Variants in HOXA3 observed in about 807,000 individuals in gnomAD.
HOXA3 encodes the protein homeobox protein Hox-A3.
A neutral mutation model predicts 30.3 loss-of-function variants in HOXA3; 8 were observed. The observed-to-expected ratio is 0.26, with a 90% CI of 0.15 to 0.48. The LOEUF is 0.48. Ranked by LOEUF, HOXA3 falls within the 20% of genes least tolerant of loss-of-function variation. The pLI, the probability that HOXA3 is intolerant of heterozygous loss-of-function variation, is 0.99. For missense variants in HOXA3, 653 were observed against 614.4 expected (o/e 1.06, Z -0.66); for synonymous variants, 323 against 273.1 (o/e 1.18, Z -1.80).
chr7:27,111,483 TGC>T (rs1554336186), intron 4 of HOXA3, among the ~76,000 whole-genome samples: 1 of 80,774 alleles, frequency 1.2e-5, no homozygotes, highest in Admixed American at 1.3e-4. Context: ...TGGAACACAT[TGC>T]GTGTGTGTGT....
intron 4 of HOXA3, among the ~76,000 whole-genome samples, chr7:27,111,931 C>T (rs747013419): frequency 6.6e-6 from 1 of 152,166 alleles, no homozygotes; most frequent in Non-Finnish European, 1.5e-5. Flanking sequence ...AAAATCCTGC[C>T]AGAGTTTCCT....
chr7:27,143,833 A>C (rs1362853571), intron 1 of HOXA3, among the ~76,000 whole-genome samples: 1 of 151,854 alleles, frequency 6.6e-6, no homozygotes, highest in Non-Finnish European at 1.5e-5. Flanking sequence ...CTAATAGGGG[A>C]GTTGGGTGGA....
At chr7:27,126,666 C>A (rs944081616) in intron 3 of HOXA3, among the ~76,000 whole-genome samples, 1 of 152,134 alleles carries the variant, frequency 6.6e-6, no homozygotes, top group Non-Finnish European at 1.5e-5. Flanking sequence ...GTAAAACTCA[C>A]CAATACCTTA....
At chr7:27,133,114 G>A (rs1395173874) in intron 2 of HOXA3, among the ~76,000 whole-genome samples, 4 of 152,018 alleles carry the variant, frequency 2.6e-5, no homozygotes, top group Admixed American at 2.0e-4. Context: ...ACTTGTCTTT[G>A]TGGTTCGTAT....
Position 27,107,881 on chromosome 7 carries a change from G to A in HOXA3, c.*34C>T. On this transcript the variant is annotated 3_prime_UTR_variant, in exon 6 of 6. Coordinates refer to ENST00000612286, the MANE Select transcript of HOXA3 (RefSeq NM_153631.3). ...ACCAAAGAAAAAAGGTGGGTGGGGG[G>A]AGACTCTCCTGGCGCGTAGCCCCAA... 6 of 1,344,146 alleles carry A rather than the reference G, an allele frequency of 4.5e-6. No homozygotes were observed. Among genetic ancestry groups the A allele is most frequent in the Non-Finnish European group, 5.9e-6 (6 of 1,014,890 alleles). 83.3% of individuals were successfully genotyped at this position (1,344,146 alleles called of 1,614,324 possible). A position where few individuals can be genotyped will look rare whatever the true frequency, so the allele number is the denominator to read the frequency against.
chr7:27,110,678 G>A lies in HOXA3; in HGVS notation c.-38C>T. ...CGATCTTGATCGCACACTCTGACAG[G>A]GGTTTGACACCCGTGAGGGCGCACA... On this transcript the variant is annotated 5_prime_UTR_variant, in exon 5 of 6. Coordinates refer to ENST00000612286, the MANE Select transcript of HOXA3 (RefSeq NM_153631.3). 6.3e-7 allele frequency: 1 copy of A among 1,589,796 alleles called. No homozygotes were observed. Among genetic ancestry groups the A allele is most frequent in the Non-Finnish European group, 8.6e-7 (1 of 1,160,842 alleles).
At chr7:27,119,987 G>A (rs983008374) in intron 4 of HOXA3, among the ~76,000 whole-genome samples, 1 of 152,074 alleles carries the variant, frequency 6.6e-6, no homozygotes, top group African/African-American at 2.4e-5. Flanking sequence ...AGGTTTGGGG[G>A]ATAGAGGACA....
intron 4 of HOXA3, among the ~76,000 whole-genome samples, chr7:27,114,478 C>G (rs1000381898): frequency 3.3e-5 from 5 of 151,788 alleles, no homozygotes; most frequent in African/African-American, 1.2e-4. Flanking sequence ...AGGCTTTTCT[C>G]TAGAGACCCT....
At chr7:27,109,149 T>C (rs903759431) in intron 5 of HOXA3, among the ~76,000 whole-genome samples, 1 of 152,070 alleles carries the variant, frequency 6.6e-6, no homozygotes, top group Non-Finnish European at 1.5e-5. Context: ...TGTCTGACAA[T>C]AATTAGGCAG....
intron 2 of HOXA3, chr7:27,130,935 C>T: frequency 4.9e-6 from 3 of 606,996 alleles, no homozygotes; most frequent in East Asian, 3.0e-5. Flanking sequence ...GCCCAGCGCG[C>T]GCCCCGCCCC....
At chr7:27,145,609 G>T in intron 1 of HOXA3, 1 of 1,579,238 alleles carries the variant, frequency 6.3e-7, no homozygotes. Context: ...AGGGCAAGGG[G>T]GCAAAGCCGA....
chr7:27,124,069 T>C (rs1412564996), intron 3 of HOXA3: 1 of 152,206 alleles, frequency 6.6e-6, no homozygotes, highest in Non-Finnish European at 1.5e-5. Context: ...GAGTATGTAA[T>C]TATTATGGTT....
At chr7:27,125,328 A>G (rs1182540882) in intron 3 of HOXA3, among the ~76,000 whole-genome samples, 13 of 152,262 alleles carry the variant, frequency 8.5e-5, no homozygotes. Flanking sequence ...CACTTTGGAC[A>G]GTCTTTCAAT....
chr7:27,111,661 G>A (rs752226705), intron 4 of HOXA3, among the ~76,000 whole-genome samples: 21 of 152,116 alleles, frequency 1.4e-4, no homozygotes, highest in Non-Finnish European at 2.8e-4. Context: ...AGTTACAGAA[G>A]GTTCCCAGAA....
chr7:27,107,606 T>C lies in HOXA3; in HGVS notation c.*309A>G, dbSNP rs979617050. The C allele has an allele frequency of 3.9e-5, 12 of 306,986 alleles. No individual in the cohort carries two copies. The highest frequency in any genetic ancestry group is 7.1e-5 in the Non-Finnish European group (12 of 169,168). The allele number at this position is 306,986 out of a possible 1,614,324, so 19.0% of individuals were successfully genotyped here. On this transcript the variant is annotated 3_prime_UTR_variant, in exon 6 of 6. Transcript: ENST00000612286. ...AAAACTCGACTAGAAAATTTGTTCA[T>C]ATACCCTGTTTCTGATCAAAGAGTG...
chr7:27,138,547 T>A (rs1272310876), intron 2 of HOXA3, among the ~76,000 whole-genome samples: 1 of 152,196 alleles, frequency 6.6e-6, no homozygotes, highest in Non-Finnish European at 1.5e-5. Context: ...GCTTAATTCC[T>A]AAAATAGGAT....
At position 27,143,540 on chromosome 7, in the gene HOXA3, T is replaced by G. The variant is rs1282993395; in HGVS notation, c.-493-3354A>C. 8.1e-6 allele frequency: 13 copies of G among 1,612,968 alleles called. No individual in the cohort carries two copies. In the Admixed American group the frequency reaches 2.2e-4, roughly 27 times the overall value. The stretch of plus-strand genomic sequence containing the variant: ...GCTCACGGAACTATGATCTCCATAA[T>G]TATGCAACTGGTAGTCCGGGCCATT... On this transcript the variant is annotated intron_variant, in intron 1 of 5. Coordinates refer to ENST00000612286, the MANE Select transcript of HOXA3 (RefSeq NM_153631.3).
At chr7:27,125,273 C>T (rs574875111) in intron 3 of HOXA3, among the ~76,000 whole-genome samples, 2 of 152,334 alleles carry the variant, frequency 1.3e-5, no homozygotes, top group South Asian at 2.1e-4. Context: ...GTTTTCTCAT[C>T]TGTAAATTAA....
rs763993431 is a variant in HOXA3 at position 27,152,278 on chromosome 7, CAT to C, written c.-494+8_-494+9del. 1.1e-5 allele frequency: 14 copies of C among 1,279,956 alleles called. No individual in the cohort carries two copies. The highest frequency in any genetic ancestry group is 1.5e-5 in the African/African-American group (1 of 65,290). 79.3% of individuals were successfully genotyped at this position (1,279,956 alleles called of 1,614,324 possible). ...CACCTTTGCTCCTATCTCCTCCCCA[CAT>C]GTCTCACCTTCAGACGGTGGCTCCC... On this transcript the variant is annotated splice_region_variant and intron_variant, in intron 1 of 5. Transcript: ENST00000612286.
Sources: allele counts gnomAD v4.1 joint callset (sites outside exome capture counted in the v4.1 genomes callset), GRCh38; gene constraint gnomAD v4.1.1; transcripts MANE v1.5; gene names NCBI Gene and HGNC (gene_info 2026-07-23, HGNC 2026-07-21).